The following FRS2 variants were observed in gnomAD, a reference collection of about 807,000 sequenced individuals.
FRS2 encodes fibroblast growth factor receptor substrate 2, also known as FGFR signalling adaptor.
Under a neutral mutation model 43.9 loss-of-function variants are expected in FRS2, and 8 were observed. That is an observed-to-expected ratio of 0.18 (90% CI 0.11 to 0.33). The LOEUF (loss-of-function observed/expected upper bound fraction) is 0.33, where lower values mean the gene tolerates loss of function less well. Ranked by LOEUF, FRS2 falls within the 10% of genes least tolerant of loss-of-function variation. The pLI, the probability that FRS2 is intolerant of heterozygous loss-of-function variation, is 1.00. For missense variants in FRS2, 534 were observed against 627.6 expected (o/e 0.85, Z 1.59); for synonymous variants, 219 against 220.3 (o/e 0.99, Z 0.05).
chr12:69,540,814 T>G (rs372917043), intron 3 of FRS2, among the ~76,000 whole-genome samples: 2 of 152,178 alleles, frequency 1.3e-5, no homozygotes, highest in South Asian at 4.1e-4. Flanking sequence ...ATAAGTCATG[T>G]TGATAGTGTG....
At chr12:69,549,467 T>G (rs1878686302) in intron 3 of FRS2, among the ~76,000 whole-genome samples, 1 of 152,174 alleles carries the variant, frequency 6.6e-6, no homozygotes, top group South Asian at 2.1e-4. Flanking sequence ...ACGTCTAACT[T>G]TGTTGTGGTT....
At chr12:69,488,483 T>G (rs180778110) in intron 1 of FRS2, among the ~76,000 whole-genome samples, 122 of 152,354 alleles carry the variant, frequency 8.0e-4, no homozygotes, top group Admixed American at 1.4e-3. Flanking sequence ...CTTAATAGAC[T>G]ACGGTACAGT....
intron 3 of FRS2, among the ~76,000 whole-genome samples, chr12:69,543,624 T>C (rs1246232927): frequency 6.6e-6 from 1 of 151,594 alleles, no homozygotes; most frequent in African/African-American, 2.4e-5. Context: ...AGGGTTTATC[T>C]ATTTCATATG....
chr12:69,563,536 T>C (rs1740494781), intron 4 of FRS2, among the ~76,000 whole-genome samples: 2 of 152,204 alleles, frequency 1.3e-5, no homozygotes, highest in Non-Finnish European at 1.5e-5. Flanking sequence ...CAACATACTT[T>C]AGTATCCTTG....
intron 1 of FRS2, among the ~76,000 whole-genome samples, chr12:69,479,441 A>G (rs1871169541): frequency 1.5e-5 from 2 of 135,120 alleles, no homozygotes; most frequent in Non-Finnish European, 3.0e-5. Flanking sequence ...CTCTGTTGCC[A>G]GGCTGGAGTG....
At chr12:69,497,375 A>G (rs1873002816) in intron 1 of FRS2, among the ~76,000 whole-genome samples, 2 of 152,198 alleles carry the variant, frequency 1.3e-5, no homozygotes, top group African/African-American at 2.4e-5. Context: ...GAGGCTGGGA[A>G]GTTCAAGTGA....
chr12:69,489,634 C>T (rs1872275509), intron 1 of FRS2, among the ~76,000 whole-genome samples: 1 of 148,960 alleles, frequency 6.7e-6, no homozygotes, highest in African/African-American at 2.5e-5. Context: ...CATGCCACTG[C>T]ACTCCAGCCT....
At chr12:69,477,379 T>C (rs915172876) in intron 1 of FRS2, among the ~76,000 whole-genome samples, 9 of 150,504 alleles carry the variant, frequency 6.0e-5, no homozygotes, top group Non-Finnish European at 1.0e-4. Context: ...CTCTCCTGGG[T>C]TCACGCCATT....
At chr12:69,489,170 C>T (rs1009280291) in intron 1 of FRS2, among the ~76,000 whole-genome samples, 1 of 152,150 alleles carries the variant, frequency 6.6e-6, no homozygotes, top group African/African-American at 2.4e-5. Context: ...ACAGCATGTA[C>T]TCTTACCTTC....
chr12:69,550,966 A>C (rs940941745), intron 3 of FRS2, among the ~76,000 whole-genome samples: 5 of 152,214 alleles, frequency 3.3e-5, no homozygotes, highest in African/African-American at 4.8e-5. Flanking sequence ...AAACATTTTG[A>C]GAGTATGACG....
At chr12:69,502,686 G>A (rs774041461) in intron 1 of FRS2, among the ~76,000 whole-genome samples, 7 of 152,192 alleles carry the variant, frequency 4.6e-5, no homozygotes, top group Admixed American at 1.3e-4. Flanking sequence ...GAGAGGAGCA[G>A]CAAGCAAATT....
At position 69,574,272 on chromosome 12, in the gene FRS2, A is replaced by G; in HGVS notation, c.844A>G (p.Asn282Asp). ...GRDQVSGSGA[N>D]NTEWDTGYDS... Reference sequence around the variant, plus strand: ...AGATCAAGTTAGTGGAAGTGGAGCAAATAACACAGAATGGGACACTGGCTA... The same window carrying G: ...AGATCAAGTTAGTGGAAGTGGAGCAGATAACACAGAATGGGACACTGGCTA... The change falls in exon 9 of 9, where the codon AAT (asparagine) becomes GAT (aspartate). Residue 282 changes from asparagine (N) to aspartate (D), a missense_variant. Around this residue, in one of 3 missense-constraint regions of FRS2, gnomAD observed 446 missense variants for 494.2 expected, o/e 0.90. Transcript: ENST00000549921. 1 of 1,614,228 alleles carries G rather than the reference A, an allele frequency of 6.2e-7. No homozygotes were observed. Among genetic ancestry groups the G allele is most frequent in the East Asian group, 2.2e-5 (1 of 44,882 alleles).
Position 69,557,619 on chromosome 12 carries a change from TGCGCGC to T in FRS2, c.-121-4548_-121-4543del, listed in dbSNP as rs529133007. ...TTGTGTGTGTGTGTGTGTGTGTGTG[TGCGCGC>T]GCGCGCGCGCGCAGGTGCATGCACG... On this transcript the variant is annotated intron_variant, in intron 3 of 8. Coordinates refer to ENST00000549921, the MANE Select transcript of FRS2 (RefSeq NM_001278356.2). Among the ~76,000 whole-genome samples, 522 of 119,024 alleles carry T rather than the reference TGCGCGC, an allele frequency of 4.4e-3. 1 individual carries two copies. The highest frequency in any genetic ancestry group is 0.018 in the South Asian group (69 of 3,938). The allele number at this position is 119,024 out of a possible 152,430, so 78.1% of individuals were successfully genotyped here.
At chr12:69,495,598 A>G (rs1397494520) in intron 1 of FRS2, among the ~76,000 whole-genome samples, 1 of 152,210 alleles carries the variant, frequency 6.6e-6, no homozygotes, top group Non-Finnish European at 1.5e-5. Flanking sequence ...GGAGACTATA[A>G]TAAAAATCTA....
chr12:69,501,168 T>C (rs1022906420), intron 1 of FRS2, among the ~76,000 whole-genome samples: 5 of 94,012 alleles, frequency 5.3e-5, no homozygotes, highest in Non-Finnish European at 7.8e-5. Flanking sequence ...GGAATTGCCA[T>C]CCTTAAAAAA....
At chr12:69,485,015 G>A (rs1871704907) in intron 1 of FRS2, among the ~76,000 whole-genome samples, 1 of 149,244 alleles carries the variant, frequency 6.7e-6, no homozygotes. Flanking sequence ...AGAGGCTGAG[G>A]TGGAAGGATC....
At chr12:69,546,870 T>C (rs1207097724) in intron 3 of FRS2, among the ~76,000 whole-genome samples, 1 of 152,212 alleles carries the variant, frequency 6.6e-6, no homozygotes. Flanking sequence ...GCAATTCAAC[T>C]TCTGAGTATA....
intron 4 of FRS2, among the ~76,000 whole-genome samples, chr12:69,565,001 CTTCT>C (rs1444038207): frequency 3.9e-5 from 6 of 152,202 alleles, no homozygotes; most frequent in African/African-American, 1.2e-4. Context: ...GTGGAGATTC[CTTCT>C]GAGAAATGTG....
chr12:69,537,866 G>A (rs1344223080), intron 3 of FRS2: 5 of 151,582 alleles, frequency 3.3e-5, no homozygotes, highest in South Asian at 2.1e-4. Context: ...ATCCTTTTTC[G>A]TCTCCACAAA....
Sources: allele counts gnomAD v4.1 joint callset (sites outside exome capture counted in the v4.1 genomes callset), GRCh38; gene constraint gnomAD v4.1.1; regional missense constraint gnomAD v4.1.1; transcripts MANE v1.5; gene names NCBI Gene and HGNC (gene_info 2026-07-23, HGNC 2026-07-21).